The following CCDC7 variants were observed in gnomAD, a reference collection of about 807,000 sequenced individuals.
CCDC7 encodes coiled-coil domain-containing protein 7.
Under a neutral mutation model 196.9 loss-of-function variants are expected in CCDC7, and 183 were observed. The observed-to-expected ratio is 0.93, with a 90% CI of 0.82 to 1.05. CCDC7 has a LOEUF of 1.05. CCDC7 is among the 50% of genes least tolerant of loss of function. The pLI is 0.00. For missense variants in CCDC7, 1,540 were observed against 1,482.2 expected, an observed-to-expected ratio of 1.04 and a Z score of -0.64; for synonymous variants, 525 against 484.6, an observed-to-expected ratio of 1.08 and a Z score of -1.10.
chr10:32,498,436 G>A (rs2043255261), intron 9 of CCDC7, among the ~76,000 whole-genome samples: 1 of 152,136 alleles, frequency 6.6e-6, no homozygotes, highest in South Asian at 2.1e-4. Context: ...GATGCTAGCT[G>A]GTTATTTTGC....
chr10:32,797,194 T>C (rs1401019831), intron 29 of CCDC7, among the ~76,000 whole-genome samples: 1 of 148,562 alleles, frequency 6.7e-6, no homozygotes, highest in East Asian at 2.0e-4. Context: ...TATATATACG[T>C]ATATATATAC....
intron 9 of CCDC7, among the ~76,000 whole-genome samples, chr10:32,503,722 T>C (rs909435620): frequency 1.3e-5 from 2 of 152,220 alleles, no homozygotes; most frequent in South Asian, 2.1e-4. Context: ...TTTAAATATT[T>C]GGTAGAATTC....
At chr10:32,576,302 T>TAAA (rs61171117) in intron 16 of CCDC7, among the ~76,000 whole-genome samples, 2 of 144,322 alleles carry the variant, frequency 1.4e-5, no homozygotes, top group Non-Finnish European at 3.0e-5. Context: ...CAAAGGGGGT[T>TAAA]AAAAAAAAAA....
chr10:32,519,058 T>G (rs1037678411), intron 11 of CCDC7, among the ~76,000 whole-genome samples: 9 of 152,068 alleles, frequency 5.9e-5, no homozygotes, highest in African/African-American at 2.2e-4. Flanking sequence ...TTCAATAATG[T>G]TGGTTGCTTG....
intron 8 of CCDC7, among the ~76,000 whole-genome samples, chr10:32,490,904 C>G (rs146205894): frequency 3.3e-5 from 5 of 152,100 alleles, no homozygotes; most frequent in Non-Finnish European, 5.9e-5. Context: ...TTAATTCTTA[C>G]GAAGCTGGCT....
chr10:32,869,982 T>C (rs2094365845), intron 41 of CCDC7, among the ~76,000 whole-genome samples: 1 of 152,114 alleles, frequency 6.6e-6, no homozygotes, highest in South Asian at 2.1e-4. Context: ...AGTACCATGC[T>C]CTTTGCTTAC....
intron 28 of CCDC7, among the ~76,000 whole-genome samples, chr10:32,774,993 T>C (rs2079774099): frequency 6.6e-6 from 1 of 152,206 alleles, no homozygotes; most frequent in Non-Finnish European, 1.5e-5. Context: ...AGTTTTGCGC[T>C]ATCTTCCTCC....
chr10:32,846,418 T>C (rs2093296435), exon 37 of CCDC7: 1 of 1,599,150 alleles, frequency 6.3e-7, no homozygotes, highest in Non-Finnish European at 8.6e-7. Context: ...GGAAGAGATA[T>C]AATAAAGGGA....
chr10:32,687,838 G>T lies in CCDC7; in HGVS notation c.2234-1215G>T, dbSNP rs76838312. On this transcript the variant is annotated intron_variant, in intron 22 of 41. Transcript: ENST00000639629. ...GATGGGTAGAGGAAATAGCACATGT[G>T]TTATAGGTATCGTCACCATTTTGAC... Among the ~76,000 whole-genome samples the T allele has an allele frequency of 8.1e-3, 1,230 of 152,284 alleles. 7 individuals are homozygous for T. The highest frequency in any genetic ancestry group is 0.02 in the Middle Eastern group (6 of 294).
chr10:32,613,206 C>G (rs554693892), intron 18 of CCDC7, among the ~76,000 whole-genome samples: 1 of 152,056 alleles, frequency 6.6e-6, no homozygotes, highest in Non-Finnish European at 1.5e-5. Context: ...ATTTTATTTG[C>G]CTAGAGGTGT....
At position 32,584,229 on chromosome 10, in the gene CCDC7, A is replaced by T; in HGVS notation, c.1729-3A>T. On this transcript the variant is annotated splice_polypyrimidine_tract_variant and splice_region_variant and intron_variant, in intron 17 of 41. Coordinates refer to ENST00000639629, the Ensembl canonical transcript of CCDC7. ...ATTACTTATTACAACTTTTGTTATTAAGGCTGATGTTTCAGAAGAACAATT... is the reference window on the plus strand; with the variant it reads ...ATTACTTATTACAACTTTTGTTATTTAGGCTGATGTTTCAGAAGAACAATT... 6.4e-7 allele frequency: 1 copy of T among 1,557,950 alleles called. No individual in the cohort carries two copies. Among genetic ancestry groups the T allele is most frequent in the Non-Finnish European group, 8.7e-7 (1 of 1,146,336 alleles).
intron 32 of CCDC7, among the ~76,000 whole-genome samples, chr10:32,831,297 T>TG (rs2092135563): frequency 6.6e-6 from 1 of 152,178 alleles, no homozygotes; most frequent in Non-Finnish European, 1.5e-5. Flanking sequence ...GACTGAATGT[T>TG]GCTCTGGGTG....
chr10:32,606,237 G>C (rs2061546630), intron 18 of CCDC7, among the ~76,000 whole-genome samples: 1 of 152,216 alleles, frequency 6.6e-6, no homozygotes, highest in Non-Finnish European at 1.5e-5. Flanking sequence ...AGGAGGCTTG[G>C]CAGCCTCTGC....
intron 18 of CCDC7, among the ~76,000 whole-genome samples, chr10:32,609,813 A>C (rs1182882644): frequency 6.6e-6 from 1 of 151,744 alleles, no homozygotes; most frequent in Non-Finnish European, 1.5e-5. Flanking sequence ...CCTATCTCTC[A>C]CTCCTACTCT....
At chr10:32,447,693 G>A (rs2031748527), upstream of CCDC7, among the ~76,000 whole-genome samples, 1 of 152,150 alleles carries the variant, frequency 6.6e-6, no homozygotes, top group South Asian at 2.1e-4. Flanking sequence ...CCTGAGGTCA[G>A]AAGTTCGAGA....
intron 31 of CCDC7, among the ~76,000 whole-genome samples, chr10:32,821,169 C>T (rs1555174250): frequency 1.3e-5 from 2 of 152,198 alleles, no homozygotes; most frequent in Non-Finnish European, 2.9e-5. Context: ...ACAGACACTT[C>T]TCAAAAGAAG....
intron 28 of CCDC7, among the ~76,000 whole-genome samples, chr10:32,759,665 T>A (rs926660547): frequency 9.2e-5 from 14 of 152,094 alleles, no homozygotes; most frequent in African/African-American, 2.4e-4. Flanking sequence ...AGGCAATACC[T>A]TTCAGGACAT....
intron 18 of CCDC7, among the ~76,000 whole-genome samples, chr10:32,597,413 C>T (rs2060504996): frequency 6.6e-6 from 1 of 152,146 alleles, no homozygotes; most frequent in Non-Finnish European, 1.5e-5. Flanking sequence ...TTCTAGTTAG[C>T]CATTCGTCTA....
At chr10:32,810,381 A>C (rs1236270349) in intron 30 of CCDC7, among the ~76,000 whole-genome samples, 4 of 152,144 alleles carry the variant, frequency 2.6e-5, no homozygotes, top group Non-Finnish European at 5.9e-5. Flanking sequence ...CTTATTTCAG[A>C]TAAAACAGAC....
Sources: gnomAD v4.1 joint callset for allele counts (sites outside exome capture counted in the v4.1 genomes callset) on GRCh38, gnomAD v4.1.1 for gene constraint, MANE v1.5 for transcripts, NCBI Gene and HGNC (gene_info 2026-07-23, HGNC 2026-07-21) for gene names.